CCDC88C: variants seen among roughly 807,000 people sequenced by gnomAD.
CCDC88C encodes the protein coiled-coil and HOOK domain protein 88C, also known as protein Daple.
In CCDC88C, 131 loss-of-function variants were observed where a neutral mutation model predicts 198.8. The ratio of observed to expected loss-of-function variants is 0.66; its 90% CI spans 0.57 to 0.76. The LOEUF (loss-of-function observed/expected upper bound fraction) is 0.76, where lower values mean the gene tolerates loss of function less well. CCDC88C is among the 30% of genes least tolerant of loss of function. The probability of loss-of-function intolerance (pLI) is 0.00; values close to 1 mark genes in which losing one functional copy is unlikely to be tolerated. For missense variants in CCDC88C, 2,553 were observed against 2,631.6 expected (o/e 0.97, Z 0.65); for synonymous variants, 1,166 against 1,114.7 (o/e 1.05, Z -0.92).
chr14:91,380,035 T>C, intron 3 of CCDC88C: 1 of 624,118 alleles, frequency 1.6e-6, no homozygotes. Flanking sequence ...TCCTTTCTCC[T>C]TACAGGGGTG....
At chr14:91,309,116 C>T (rs1233807760) in intron 16 of CCDC88C, among the ~76,000 whole-genome samples, 1 of 152,176 alleles carries the variant, frequency 6.6e-6, no homozygotes, top group African/African-American at 2.4e-5. Flanking sequence ...GTAATCTCAG[C>T]TACTCAGGAG....
rs1349298507 is a variant in CCDC88C, at chr14:91,416,841, G to C, written c.61-3C>G. 2 of 1,606,536 alleles carry C rather than the reference G, an allele frequency of 1.2e-6. No individual in the cohort carries two copies. Among genetic ancestry groups the C allele is most frequent in the Non-Finnish European group, 1.7e-6 (2 of 1,174,180 alleles). On this transcript the variant is annotated splice_region_variant and splice_polypyrimidine_tract_variant and intron_variant, in intron 1 of 29. Coordinates refer to ENST00000389857, the MANE Select transcript of CCDC88C (RefSeq NM_001080414.4). Reference sequence around the variant, plus strand: ...CCAAACGGGCCAAAAGTTTTCACCTGCGGGGAGGGGGACGAGGAGAGAAAG... The same window carrying C: ...CCAAACGGGCCAAAAGTTTTCACCTCCGGGGAGGGGGACGAGGAGAGAAAG...
intron 22 of CCDC88C, among the ~76,000 whole-genome samples, chr14:91,294,628 G>T (rs994709002): frequency 7.2e-5 from 11 of 152,310 alleles, no homozygotes; most frequent in East Asian, 3.9e-4. Context: ...CAAATAAAAA[G>T]AATACGAAAA....
rs540244769 is a variant in CCDC88C, at chr14:91,370,859, G to A, written c.271-11148C>T. 1.1e-4 allele frequency among the ~76,000 whole-genome samples: 16 copies of A among 152,232 alleles called. No homozygotes were observed. In the East Asian group the frequency reaches 1.2e-3, roughly 11 times the overall value. On this transcript the variant is annotated intron_variant, in intron 3 of 29. Transcript: ENST00000389857. Reference sequence around the variant, plus strand: ...CCATAGAGTCAGGAAACTGAGGTCCGGAGCAAAAAATGACAGAGGCGTAGC... The same window carrying A: ...CCATAGAGTCAGGAAACTGAGGTCCAGAGCAAAAAATGACAGAGGCGTAGC...
chr14:91,334,430 T>C (rs1021276770), intron 10 of CCDC88C, among the ~76,000 whole-genome samples: 5 of 152,104 alleles, frequency 3.3e-5, no homozygotes, highest in African/African-American at 4.8e-5. Context: ...CATTTCCTTG[T>C]AGAGATGGGG....
intron 3 of CCDC88C, among the ~76,000 whole-genome samples, chr14:91,375,090 C>A (rs1314551456): frequency 6.6e-6 from 1 of 152,220 alleles, no homozygotes; most frequent in Non-Finnish European, 1.5e-5. Flanking sequence ...GCTAAACCAG[C>A]CTTACTCTTC....
At chr14:91,334,537 C>T (rs573772905) in intron 10 of CCDC88C, among the ~76,000 whole-genome samples, 12 of 152,336 alleles carry the variant, frequency 7.9e-5, no homozygotes, top group Non-Finnish European at 1.3e-4. Context: ...CATGGGCCAC[C>T]ACGCCTGGGC....
chr14:91,322,358 C>T (rs1892391715), intron 12 of CCDC88C, among the ~76,000 whole-genome samples: 1 of 152,158 alleles, frequency 6.6e-6, no homozygotes, highest in South Asian at 2.1e-4. Context: ...CCAAGGATAA[C>T]GACATGGACC....
At chr14:91,353,537 A>AG (rs1267941122) in intron 4 of CCDC88C, among the ~76,000 whole-genome samples, 1 of 152,130 alleles carries the variant, frequency 6.6e-6, no homozygotes, top group African/African-American at 2.4e-5. Context: ...CCTCTGGCTG[A>AG]GGGGCAGCCA....
Position 91,279,106 on chromosome 14 carries a change from C to A in CCDC88C, c.4768+132G>T. 1.4e-5 allele frequency: 10 copies of A among 721,988 alleles called. No individual in the cohort carries two copies. The South Asian group carries it at 1.6e-4, about 11-fold the overall frequency. 44.7% of individuals were successfully genotyped at this position (721,988 alleles called of 1,614,324 possible). Reference sequence around the variant, plus strand: ...TTAGAGATGGGGTTTCGCCATGTTTCCCAGGCTGGTTTCTAACTCCTGGGC... The same window carrying A: ...TTAGAGATGGGGTTTCGCCATGTTTACCAGGCTGGTTTCTAACTCCTGGGC... On this transcript the variant is annotated intron_variant, in intron 28 of 29. Transcript: ENST00000389857.
chr14:91,402,024 C>T (rs1196519121), intron 3 of CCDC88C, among the ~76,000 whole-genome samples: 6 of 152,142 alleles, frequency 3.9e-5, no homozygotes, highest in Admixed American at 3.9e-4. Context: ...CCTGTAATCC[C>T]AGCACTTTGA....
At chr14:91,358,249 G>A (rs746835160) in intron 4 of CCDC88C, among the ~76,000 whole-genome samples, 6 of 152,196 alleles carry the variant, frequency 3.9e-5, no homozygotes, top group Non-Finnish European at 5.9e-5. Context: ...ACTGTCATAC[G>A]GACAGGAGAG....
chr14:91,292,665 C>T (rs1890713147), intron 23 of CCDC88C, among the ~76,000 whole-genome samples: 4 of 152,126 alleles, frequency 2.6e-5, no homozygotes, highest in Non-Finnish European at 5.9e-5. Context: ...CCCTTCTTGC[C>T]TTCCCCACAC....
chr14:91,307,282 C>A lies in CCDC88C; in HGVS notation c.3007-56G>T, dbSNP rs566975608. The A allele has an allele frequency of 8.4e-6, 13 of 1,556,262 alleles. No homozygotes were observed. In the African/African-American group the frequency reaches 1.6e-4, roughly 19 times the overall value. On this transcript the variant is annotated intron_variant, in intron 17 of 29. Coordinates refer to ENST00000389857, the MANE Select transcript of CCDC88C (RefSeq NM_001080414.4). ...TAGGCGGAAGCAGCCTGGCCTGGAG[C>A]CCCGAGTGAGTGGCTGAGGGCAACC... is the stretch of plus-strand genomic sequence containing the variant.
intron 13 of CCDC88C, among the ~76,000 whole-genome samples, chr14:91,316,654 G>A (rs894520346): frequency 3.3e-5 from 5 of 152,062 alleles, no homozygotes; most frequent in East Asian, 1.9e-4. Flanking sequence ...CAGGTGATCC[G>A]CCTGCCTCGG....
chr14:91,308,246 A>G, intron 17 of CCDC88C, 105 bp downstream of exon 17: 1 of 1,358,020 alleles, frequency 7.4e-7, no homozygotes. Flanking sequence ...CCCCTGCCCT[A>G]GAAAATGGGT....
rs371123543 is a variant in CCDC88C, at chr14:91,321,257, G to A, written c.1390C>T (p.Arg464Cys). 172 of 1,584,528 alleles carry A rather than the reference G, an allele frequency of 1.1e-4. No individual in the cohort carries two copies. The highest frequency in any genetic ancestry group is 1.4e-4 in the Admixed American group (8 of 55,980). The change falls in exon 13 of 30, where the codon CGC becomes TGC. Residue 464 changes from arginine to cysteine, a missense_variant. By Grantham distance (180) the Arg-to-Cys change is radical. Coordinates refer to ENST00000389857, the MANE Select transcript of CCDC88C (RefSeq NM_001080414.4). ...TTCTCCTTCTCCAGCTTCAGGATGC[G>A]GCTGGACGCACATTCGTTCAGCTCA... The part of the protein sequence containing the change: ...VFELNECASS[R>C]ILKLEKENQS...
At position 91,381,429 on chromosome 14, in the gene CCDC88C, C is replaced by T. The variant is rs1156390200; in HGVS notation, c.271-21718G>A. On this transcript the variant is annotated intron_variant, in intron 3 of 29. Transcript: ENST00000389857. The surrounding 1 kb of genome is among the most constrained non-coding windows in gnomAD (Gnocchi z 4.2). ...ATGCCCACGAAAGTTGCATCCTCTTCCTGCTACTGAAGAAAAATGCTTTAA... is the reference window on the plus strand; with the variant it reads ...ATGCCCACGAAAGTTGCATCCTCTTTCTGCTACTGAAGAAAAATGCTTTAA... Among the ~76,000 whole-genome samples, 2 of 152,220 alleles carry T rather than the reference C, an allele frequency of 1.3e-5. No homozygotes were observed. The highest frequency in any genetic ancestry group is 1.9e-4 in the East Asian group (1 of 5,198).
intron 29 of CCDC88C, among the ~76,000 whole-genome samples, chr14:91,276,238 G>A (rs1305023752): frequency 6.6e-6 from 1 of 152,244 alleles, no homozygotes; most frequent in Non-Finnish European, 1.5e-5. Context: ...AAACTCAGGG[G>A]ATGGGTTCTG....
Sources: allele counts gnomAD v4.1 joint callset (sites outside exome capture counted in the v4.1 genomes callset), GRCh38; gene constraint gnomAD v4.1.1; non-coding constraint Gnocchi (gnomAD v3.1); transcripts MANE v1.5; gene names NCBI Gene and HGNC (gene_info 2026-07-23, HGNC 2026-07-21).